Variants in GABRB3 observed in about 807,000 individuals in gnomAD.
The protein encoded by GABRB3 is gamma-aminobutyric acid type A receptor subunit beta3, also known as gamma-aminobutyric acid receptor subunit beta-3.
In GABRB3, 14 loss-of-function variants were observed where a neutral mutation model predicts 52.1. That is an observed-to-expected ratio of 0.27 (90% confidence interval 0.18 to 0.42). GABRB3 has a LOEUF of 0.42. Among genes scored for constraint, GABRB3 ranks in the 10% least tolerant of loss-of-function variants. The pLI, the probability that GABRB3 is intolerant of heterozygous loss-of-function variation, is 1.00. For synonymous variants in GABRB3, 260 were observed against 232.3 expected (o/e 1.12, Z -1.08); for missense variants, 307 against 609.1 (o/e 0.50, Z 5.22).
intron 3 of GABRB3, among the ~76,000 whole-genome samples, chr15:26,724,718 A>G (rs988743541): frequency 2.0e-5 from 3 of 152,212 alleles, no homozygotes; most frequent in African/African-American, 7.2e-5. Flanking sequence ...GCATGAGACT[A>G]ACTGCACATG....
intron 3 of GABRB3, among the ~76,000 whole-genome samples, chr15:26,660,871 C>T (rs1233693346): frequency 6.6e-6 from 1 of 152,180 alleles, no homozygotes; most frequent in Non-Finnish European, 1.5e-5. Context: ...CAGGGTCTCG[C>T]TCTGTCGCCC....
intron 3 of GABRB3, among the ~76,000 whole-genome samples, chr15:26,765,394 G>A (rs1890970263): frequency 1.3e-5 from 2 of 152,136 alleles, no homozygotes; most frequent in South Asian, 4.1e-4. Context: ...TCTTTGGTTG[G>A]TGGTATTATA....
intron 6 of GABRB3, among the ~76,000 whole-genome samples, chr15:26,572,628 A>G (rs1890449618): frequency 6.6e-6 from 1 of 152,230 alleles, no homozygotes; most frequent in African/African-American, 2.4e-5. Context: ...TGCGGTATCT[A>G]TGTGGAAAAC....
At chr15:26,659,790 C>A (rs940219872) in intron 3 of GABRB3, among the ~76,000 whole-genome samples, 3 of 152,126 alleles carry the variant, frequency 2.0e-5, no homozygotes, top group Non-Finnish European at 4.4e-5. Context: ...CCATGAGCAC[C>A]GGCCTGCACT....
intron 3 of GABRB3, among the ~76,000 whole-genome samples, chr15:26,665,902 A>T (rs1349725755): frequency 6.6e-6 from 1 of 152,244 alleles, no homozygotes. Flanking sequence ...GATAACAATA[A>T]AAAGTGTGCA....
chr15:26,663,216 C>A (rs549307671), intron 3 of GABRB3, among the ~76,000 whole-genome samples: 69 of 152,322 alleles, frequency 4.5e-4, no homozygotes, highest in African/African-American at 1.6e-3. Flanking sequence ...TCCCTCCTCT[C>A]TAATCCCAAC....
intron 8 of GABRB3, chr15:26,557,741 CCTTA>C (rs1889808978): frequency 6.6e-6 from 1 of 152,074 alleles, no homozygotes; most frequent in African/African-American, 2.4e-5. Context: ...CATATAAAGG[CCTTA>C]CTAAGATTGC....
At chr15:26,573,365 TA>T (rs1890478501) in intron 6 of GABRB3, among the ~76,000 whole-genome samples, 2 of 152,062 alleles carry the variant, frequency 1.3e-5, no homozygotes, top group South Asian at 4.1e-4. Context: ...GAAAAGGAAA[TA>T]TAAGAAATAG....
At chr15:26,671,772 T>C (rs540856428) in intron 3 of GABRB3, among the ~76,000 whole-genome samples, 1 of 152,300 alleles carries the variant, frequency 6.6e-6, no homozygotes, top group Non-Finnish European at 1.5e-5. Flanking sequence ...TGGAAGTGCA[T>C]AATCAAGCCT....
intron 3 of GABRB3, among the ~76,000 whole-genome samples, chr15:26,647,389 T>C (rs12911879): frequency 0.31 from 47,830 of 152,150 alleles, 9,981 homozygotes; most frequent in Non-Finnish European, 0.45. Context: ...CTTTCATCAC[T>C]TGGGCTTTTG....
intron 3 of GABRB3, among the ~76,000 whole-genome samples, chr15:26,715,398 A>G (rs539273360): frequency 1.3e-5 from 2 of 152,332 alleles, no homozygotes; most frequent in African/African-American, 4.8e-5. Flanking sequence ...TGATGGTGAC[A>G]GAGAATTTTT....
chr15:26,590,444 C>G (rs189981225), intron 4 of GABRB3, among the ~76,000 whole-genome samples: 1 of 152,282 alleles, frequency 6.6e-6, no homozygotes, highest in Non-Finnish European at 1.5e-5. Flanking sequence ...GCAACTCACT[C>G]TCATCTTCAT....
intron 6 of GABRB3, among the ~76,000 whole-genome samples, chr15:26,571,512 T>A (rs1202287840): frequency 1.3e-5 from 2 of 152,184 alleles, no homozygotes; most frequent in Non-Finnish European, 2.9e-5. Context: ...TACTATATCC[T>A]CCAACTTTCC....
chr15:26,560,880 G>A, intron 8 of GABRB3, 52 bp downstream of exon 8: 1 of 1,611,668 alleles, frequency 6.2e-7, no homozygotes, highest in South Asian at 1.1e-5. Context: ...AGTAAATGCA[G>A]TAGCTGCTGA....
chr15:26,647,728 A>C (rs1887054400), intron 3 of GABRB3, among the ~76,000 whole-genome samples: 1 of 152,088 alleles, frequency 6.6e-6, no homozygotes, highest in Admixed American at 6.5e-5. Flanking sequence ...CAAGAGATGA[A>C]ACCAAAGCCA....
intron 3 of GABRB3, among the ~76,000 whole-genome samples, chr15:26,746,126 C>CT (rs971833249): frequency 1.9e-4 from 28 of 151,290 alleles, no homozygotes; most frequent in South Asian, 8.4e-4. Context: ...AACAGTGTCA[C>CT]TTTTTTTTTA....
intron 7 of GABRB3, among the ~76,000 whole-genome samples, chr15:26,563,319 C>T (rs1043466630): frequency 1.3e-5 from 2 of 152,218 alleles, no homozygotes; most frequent in African/African-American, 4.8e-5. Context: ...CTGATTGGCA[C>T]AGGCTCAGGA....
At chr15:26,661,685 A>G (rs1278584465) in intron 3 of GABRB3, among the ~76,000 whole-genome samples, 9 of 152,124 alleles carry the variant, frequency 5.9e-5, no homozygotes, top group Admixed American at 5.9e-4. Context: ...AGAAGATGAG[A>G]GTGGGGATCG....
chr15:26,634,863 T>C (rs1446165339), intron 3 of GABRB3, among the ~76,000 whole-genome samples: 1 of 148,580 alleles, frequency 6.7e-6, no homozygotes, highest in African/African-American at 2.5e-5. Context: ...TACACACATA[T>C]ATACACACAT....
Sources: gnomAD v4.1 joint callset for allele counts (sites outside exome capture counted in the v4.1 genomes callset) on GRCh38, gnomAD v4.1.1 for gene constraint, MANE v1.5 for transcripts, NCBI Gene and HGNC (gene_info 2026-07-23, HGNC 2026-07-21) for gene names.